The following PFDN1 variants were observed in gnomAD, a reference collection of about 807,000 sequenced individuals.
PFDN1 encodes prefoldin 1.
Under a neutral mutation model 17.3 loss-of-function variants are expected in PFDN1, and 6 were observed. The observed-to-expected ratio is 0.35, with a 90% CI of 0.19 to 0.69. PFDN1 has a LOEUF of 0.69. Among genes scored for constraint, PFDN1 ranks in the 30% least tolerant of loss-of-function variants. The pLI is 0.65. For synonymous variants in PFDN1, 58 were observed against 50.1 expected, an observed-to-expected ratio of 1.16 and a Z score of -0.67; for missense variants, 113 against 146.2, an observed-to-expected ratio of 0.77 and a Z score of 1.17.
At chr5:140,281,591 C>A in intron 2 of PFDN1, 58 bp from the exon 3 acceptor site, 1 of 812,430 alleles carries the variant, frequency 1.2e-6, no homozygotes, top group South Asian at 1.4e-5. Flanking sequence ...TCATCGAAAT[C>A]AATAGCTACA....
At position 140,265,339 on chromosome 5, in the gene PFDN1, T is replaced by C. The variant is rs372092446; in HGVS notation, c.285+16110A>G. 3.8e-4 allele frequency among the ~76,000 whole-genome samples: 58 copies of C among 152,286 alleles called. 2 individuals are homozygous for C. In the South Asian group the frequency reaches 0.012, roughly 31 times the overall value. Reference sequence around the variant, plus strand: ...AAAATGGACGCCGTCCACACCTCTGTGGTCCTGCTACAGTGACCCAGGGCT... The same window carrying C: ...AAAATGGACGCCGTCCACACCTCTGCGGTCCTGCTACAGTGACCCAGGGCT... On this transcript the variant is annotated intron_variant, in intron 3 of 3. Coordinates refer to ENST00000261813, the MANE Select transcript of PFDN1 (RefSeq NM_002622.5).
chr5:140,266,010 T>A (rs1322877694), intron 3 of PFDN1, among the ~76,000 whole-genome samples: 1 of 152,140 alleles, frequency 6.6e-6, no homozygotes, highest in Non-Finnish European at 1.5e-5. Flanking sequence ...AAATGCCCTC[T>A]CCTCTGCCCT....
At chr5:140,282,500 T>C (rs1765425789) in intron 2 of PFDN1, among the ~76,000 whole-genome samples, 1 of 151,862 alleles carries the variant, frequency 6.6e-6, no homozygotes, top group Non-Finnish European at 1.5e-5. Context: ...TTATATGAGT[T>C]CCTCAAACAA....
At chr5:140,264,020 CAAAAAAAAAAAAAAAAAA>C (rs58605224) in intron 3 of PFDN1, among the ~76,000 whole-genome samples, 12 of 55,580 alleles carry the variant, frequency 2.2e-4, no homozygotes, top group South Asian at 5.3e-4. Context: ...GACTCCATCT[CAAAAAAAAAAAAAAAAAA>C]AAAAAAAAAA....
chr5:140,279,263 G>C (rs1765352827), intron 3 of PFDN1, among the ~76,000 whole-genome samples: 1 of 152,020 alleles, frequency 6.6e-6, no homozygotes, highest in Non-Finnish European at 1.5e-5. Context: ...TTAATCATTT[G>C]TTTTATATTT....
At chr5:140,273,868 A>G (rs1210527522) in intron 3 of PFDN1, 3 of 981,226 alleles carry the variant, frequency 3.1e-6, no homozygotes, top group African/African-American at 3.5e-5. Flanking sequence ...CTGTATATGC[A>G]TGTGCCTAAA....
intron 3 of PFDN1, among the ~76,000 whole-genome samples, chr5:140,280,014 C>CCAAAAAAAAAAAAA (rs1335205089): frequency 1.8e-4 from 18 of 99,122 alleles, no homozygotes; most frequent in African/African-American, 8.0e-4. Context: ...AAAAAAAAAA[C>CCAAAAAAAAAAAAA]AAAAAAAGAA....
intron 1 of PFDN1, among the ~76,000 whole-genome samples, chr5:140,302,130 T>G (rs1353293389): frequency 6.6e-6 from 1 of 152,184 alleles, no homozygotes; most frequent in Non-Finnish European, 1.5e-5. Flanking sequence ...TCTGAAGAAC[T>G]CAAAATAGTG....
At chr5:140,302,938 C>T in intron 1 of PFDN1, 103 bp downstream of exon 1, 6 of 858,518 alleles carry the variant, frequency 7.0e-6, no homozygotes, top group Non-Finnish European at 1.2e-5. Context: ...GTCCACTGGA[C>T]CCTCCTTCCT....
At chr5:140,299,196 T>G (rs1317234858) in intron 2 of PFDN1, among the ~76,000 whole-genome samples, 1 of 152,222 alleles carries the variant, frequency 6.6e-6, no homozygotes, top group Non-Finnish European at 1.5e-5. Context: ...AAATAAATCT[T>G]CTTCACATAC....
At position 140,245,948 on chromosome 5, in the gene PFDN1, G is replaced by A. The variant is rs767437405; in HGVS notation, c.*26C>T. The A allele has an allele frequency of 5.8e-6, 8 of 1,373,826 alleles. No homozygotes were observed. In the South Asian group the frequency reaches 7.5e-5, roughly 13 times the overall value. 85.1% of individuals were successfully genotyped at this position (1,373,826 alleles called of 1,614,324 possible). On this transcript the variant is annotated 3_prime_UTR_variant, in exon 4 of 4. Coordinates refer to ENST00000261813, the MANE Select transcript of PFDN1 (RefSeq NM_002622.5). ...CCCCCACCAGGAATGGGAGGGGCAG[G>A]AGGAAGAGCTTCCCAGAGAGGCTCC... is the stretch of plus-strand genomic sequence containing the variant.
At chr5:140,275,829 G>A (rs1250425712) in intron 3 of PFDN1, among the ~76,000 whole-genome samples, 2 of 152,060 alleles carry the variant, frequency 1.3e-5, no homozygotes, top group African/African-American at 2.4e-5. Context: ...AAGCATACTC[G>A]GTGGGCCAAA....
chr5:140,257,891 T>C (rs1169041341), intron 3 of PFDN1, among the ~76,000 whole-genome samples: 1 of 152,166 alleles, frequency 6.6e-6, no homozygotes, highest in Non-Finnish European at 1.5e-5. Flanking sequence ...AAACATCTGA[T>C]GGAATCAAGG....
intron 3 of PFDN1, 198 bp downstream of exon 3, chr5:140,281,251 A>T (rs1765392572): frequency 2.2e-6 from 1 of 453,806 alleles, no homozygotes; most frequent in East Asian, 3.8e-5. Context: ...CAAAGAAGAG[A>T]CTATTCTTTT....
chr5:140,288,121 C>T (rs1341352169), intron 2 of PFDN1, among the ~76,000 whole-genome samples: 4 of 152,238 alleles, frequency 2.6e-5, no homozygotes, highest in Admixed American at 6.5e-5. Context: ...ATGTTTACAG[C>T]TGCTTCATTT....
intron 2 of PFDN1, among the ~76,000 whole-genome samples, chr5:140,289,270 G>GAAA: frequency 7.4e-6 from 1 of 134,636 alleles, no homozygotes; most frequent in African/African-American, 2.7e-5. Context: ...CTGGGAGAAG[G>GAAA]AAAAAAAAAA....
At chr5:140,292,601 T>C (rs948137171) in intron 2 of PFDN1, among the ~76,000 whole-genome samples, 1 of 152,156 alleles carries the variant, frequency 6.6e-6, no homozygotes, top group African/African-American at 2.4e-5. Context: ...GTAATGTAGT[T>C]CATTTCAAGA....
chr5:140,268,321 A>G (rs1212707520), intron 3 of PFDN1, among the ~76,000 whole-genome samples: 1 of 152,206 alleles, frequency 6.6e-6, no homozygotes, highest in Non-Finnish European at 1.5e-5. Context: ...ATTCACAAAA[A>G]AAGTTATTAA....
At chr5:140,290,407 A>G (rs1381816640) in intron 2 of PFDN1, among the ~76,000 whole-genome samples, 1 of 152,200 alleles carries the variant, frequency 6.6e-6, no homozygotes, top group African/African-American at 2.4e-5. Context: ...AGCCAAGCTG[A>G]TGACAAAGCT....
Sources: allele counts gnomAD v4.1 joint callset (sites outside exome capture counted in the v4.1 genomes callset), GRCh38; gene constraint gnomAD v4.1.1; transcripts MANE v1.5; gene names NCBI Gene and HGNC (gene_info 2026-07-23, HGNC 2026-07-21).